The following PIN4 variants were observed in gnomAD, a reference collection of about 807,000 sequenced individuals.
PIN4 encodes peptidylprolyl cis/trans isomerase, NIMA-interacting 4.
Under a neutral mutation model 8.3 loss-of-function variants are expected in PIN4, and 3 were observed. The observed-to-expected ratio is 0.36, with a 90% confidence interval of 0.16 to 0.93. The LOEUF (loss-of-function observed/expected upper bound fraction) is 0.93. PIN4 is among the 40% of genes least tolerant of loss of function. The pLI, the probability that PIN4 is intolerant of heterozygous loss-of-function variation, is 0.44. For synonymous variants in PIN4, 18 were observed against 32.5 expected (o/e 0.55, Z 1.52); for missense variants, 75 against 100.6 (o/e 0.75, Z 1.09).
Position 72,181,902 on chromosome X carries a change from C to G in PIN4, c.43+74C>G, listed in dbSNP as rs769825061. On this transcript the variant is annotated intron_variant, in intron 1 of 3. Transcript: ENST00000373669. ...AGGGAGGGAACAGACAGTCCATCTC[C>G]GGAGTCCGGGACGGACGCAGCAGGT... is the stretch of plus-strand genomic sequence containing the variant. The G allele has an allele frequency of 4.7e-6, 3 of 644,863 alleles. No homozygotes were observed. In the East Asian group the frequency reaches 1.1e-4, roughly 23 times the overall value. The allele number at this position is 644,863 out of a possible 1,213,427, so 53.1% of individuals were successfully genotyped here.
chrX:72,222,319 C>T (rs1330218272), intron 3 of PIN4, among the ~76,000 whole-genome samples: 1 of 111,601 alleles, frequency 9.0e-6, no homozygotes, highest in Non-Finnish European at 1.9e-5. Context: ...TAATTTTAAC[C>T]TCCACCCTCA....
At chrX:72,231,968 C>T (rs111649018) in intron 3 of PIN4, among the ~76,000 whole-genome samples, 2 of 110,125 alleles carry the variant, frequency 1.8e-5, no homozygotes, top group Non-Finnish European at 3.8e-5. Context: ...AATCCCAGCA[C>T]ATTTGGAAGC....
chrX:72,213,360 C>T (rs1287590453), intron 3 of PIN4, among the ~76,000 whole-genome samples: 2 of 111,738 alleles, frequency 1.8e-5, no homozygotes, highest in Admixed American at 9.4e-5. Context: ...ATATATCGCC[C>T]GAGAGCACAG....
intron 1 of PIN4, 91 bp downstream of exon 1, chrX:72,181,919 G>A (rs2147562940): frequency 1.7e-6 from 1 of 576,632 alleles, no homozygotes; most frequent in South Asian, 2.5e-5. Flanking sequence ...CGGGACGGAC[G>A]CAGCAGGTAG....
chrX:72,186,474 T>C lies in PIN4; in HGVS notation c.57T>C (p.Ser19=), dbSNP rs1209742577. The C allele has an allele frequency of 8.3e-7, 1 of 1,198,361 alleles. No homozygotes were observed. The highest frequency in any genetic ancestry group is 1.1e-6 in the Non-Finnish European group (1 of 884,333). Residue 19 remains serine (S), a synonymous_variant, in exon 2 of 4, where the codon TCT becomes TCC. Transcript: ENST00000373669. ...TCTTCTCTAAAGGGGGAGCAGCCTC[T>C]GGGAGTGACAGTGCTGACAAGAAGG... The part of the protein sequence containing the change: ...SGKAGKGGAA[S]GSDSADKKAQ...
chrX:72,195,612 G>A (rs957338661), intron 2 of PIN4, among the ~76,000 whole-genome samples: 2 of 110,830 alleles, frequency 1.8e-5, no homozygotes, highest in African/African-American at 6.6e-5. Flanking sequence ...CTGCACTCCA[G>A]CCTGGGCAAC....
At chrX:72,202,885 G>C (rs776558829), downstream of PIN4, among the ~76,000 whole-genome samples, 1 of 111,574 alleles carries the variant, frequency 9.0e-6, no homozygotes, top group Admixed American at 9.6e-5. Flanking sequence ...CTTTGTCCCT[G>C]GTTCCTGGCA....
intron 3 of PIN4, among the ~76,000 whole-genome samples, chrX:72,247,391 C>T (rs2043070932): frequency 8.9e-6 from 1 of 112,162 alleles, no homozygotes; most frequent in Non-Finnish European, 1.9e-5. Flanking sequence ...GCCCTGTACC[C>T]ACTTGTTCCC....
chrX:72,222,650 C>T (rs907801155), intron 3 of PIN4, among the ~76,000 whole-genome samples: 10 of 102,221 alleles, frequency 9.8e-5, no homozygotes, highest in African/African-American at 1.5e-4. Context: ...CAGGTTGGAA[C>T]GCAGTAGCGC....
chrX:72,226,061 A>C (rs5958804), intron 3 of PIN4, among the ~76,000 whole-genome samples: 62 of 111,229 alleles, frequency 5.6e-4, no homozygotes, highest in Admixed American at 2.3e-3. Flanking sequence ...GCTCCATCTC[A>C]TCCTCCTGCA....
At chrX:72,239,177 GCCT>G (rs2043036837) in intron 3 of PIN4, 2 of 362,735 alleles carry the variant, frequency 5.5e-6, no homozygotes, top group East Asian at 9.1e-5. Flanking sequence ...GGTGATCTCT[GCCT>G]TCGAGACACG....
At chrX:72,205,555 G>T (rs1168419976) in intron 3 of PIN4, 3 of 1,210,894 alleles carry the variant, frequency 2.5e-6, no homozygotes, top group Non-Finnish European at 3.4e-6. Context: ...GAACCTTCCT[G>T]GTGGACTGAT....
At chrX:72,248,004 TC>T (rs2043073111) in intron 3 of PIN4, among the ~76,000 whole-genome samples, 1 of 111,156 alleles carries the variant, frequency 9.0e-6, no homozygotes. Context: ...ATGTCTTCCA[TC>T]CTTTGTGAGC....
chrX:72,203,619 A>G (rs747460939), intron 3 of PIN4, among the ~76,000 whole-genome samples: 252 of 112,158 alleles, frequency 2.2e-3, no homozygotes, highest in Middle Eastern at 9.2e-3. Context: ...AAGTGTTTTG[A>G]GTAAAAACAG....
At chrX:72,190,211 T>C (rs192728933) in intron 2 of PIN4, among the ~76,000 whole-genome samples, 25 of 111,884 alleles carry the variant, frequency 2.2e-4, no homozygotes, top group Admixed American at 2.0e-3. Flanking sequence ...GGAGGTCCAG[T>C]TTTTCTTTTG....
At chrX:72,208,125 G>T in intron 3 of PIN4, 10 of 1,211,565 alleles carry the variant, frequency 8.3e-6, no homozygotes, top group Non-Finnish European at 1.1e-5. Flanking sequence ...GGCCCCTAAA[G>T]CTTGAAAGTT....
chrX:72,206,068 G>A, intron 3 of PIN4: 1 of 1,210,496 alleles, frequency 8.3e-7, no homozygotes, highest in Non-Finnish European at 1.1e-6. Flanking sequence ...ATTTGTTATG[G>A]AAATAATGGG....
In PIN4 at chrX:72,238,955, C is replaced by CTTGGAGG. The variant is rs755252947; in HGVS notation, c.313-23746_313-23745insGTTGGAG. 42 of 933,837 alleles carry CTTGGAGG rather than the reference C, an allele frequency of 4.5e-5. No homozygotes were observed. In the African/African-American group the frequency reaches 7.3e-4, roughly 16 times the overall value. 77.0% of individuals were successfully genotyped at this position (933,837 alleles called of 1,213,427 possible). A position where few individuals can be genotyped will look rare whatever the true frequency, so the allele number is the denominator to read the frequency against. On this transcript the variant is annotated intron_variant, in intron 3 of 3. Coordinates refer to the PIN4 transcript ENST00000423432. ...CAGTTACCCCGGCGGGAGTTTGGAG[C>CTTGGAGG]TTGGAGCTTGGAGCTTGGAGCTTGG...
intron 1 of PIN4, among the ~76,000 whole-genome samples, chrX:72,184,559 G>A (rs566452506): frequency 2.9e-4 from 32 of 111,190 alleles, no homozygotes; most frequent in Non-Finnish European, 5.3e-4. Context: ...TGCCAGAGTC[G>A]TCAGGAAATC....
Sources: gnomAD v4.1 joint callset for allele counts (sites outside exome capture counted in the v4.1 genomes callset) on GRCh38, gnomAD v4.1.1 for gene constraint, MANE v1.5 for transcripts, NCBI Gene and HGNC (gene_info 2026-07-23, HGNC 2026-07-21) for gene names.